The following EFNA5 variants were observed in gnomAD, a reference collection of about 807,000 sequenced individuals.
The protein encoded by EFNA5 is ephrin-A5.
EFNA5 carries 5 observed loss-of-function variants against 22.9 expected under a neutral mutation model. The ratio of observed to expected loss-of-function variants is 0.22; its 90% CI spans 0.11 to 0.46. The LOEUF (loss-of-function observed/expected upper bound fraction) is 0.46. Among genes scored for constraint, EFNA5 ranks in the 20% least tolerant of loss-of-function variants. The pLI is 0.99. For synonymous variants in EFNA5, 113 were observed against 112.2 expected (o/e 1.01, Z -0.04); for missense variants, 237 against 293.3 (o/e 0.81, Z 1.40).
intron 1 of EFNA5, among the ~76,000 whole-genome samples, chr5:107,493,965 A>T (rs573978953): frequency 6.6e-6 from 1 of 152,254 alleles, no homozygotes; most frequent in South Asian, 2.1e-4. Context: ...CTGGCTCCAG[A>T]GTCTGCATCC....
intron 2 of EFNA5, among the ~76,000 whole-genome samples, chr5:107,420,580 A>C (rs1312764123): frequency 3.3e-5 from 5 of 150,784 alleles, no homozygotes; most frequent in East Asian, 3.9e-4. Context: ...AAACAACAAC[A>C]ACCATGTTCC....
In EFNA5 at chr5:107,597,726, A is replaced by T. The variant is rs529859850; in HGVS notation, c.125+72763T>A. Among the ~76,000 whole-genome samples, 6 of 152,268 alleles carry T rather than the reference A, an allele frequency of 3.9e-5. No individual in the cohort carries two copies. The East Asian group carries it at 9.6e-4, about 24-fold the overall frequency. On this transcript the variant is annotated intron_variant, in intron 1 of 4. Transcript: ENST00000333274. ...CTTCCAGGAGATGAATTCTGAATAT[A>T]ACAAGATGAATTTCAACAGACCGTG...
intron 1 of EFNA5, among the ~76,000 whole-genome samples, chr5:107,447,899 G>A (rs1432825457): frequency 6.6e-6 from 1 of 151,898 alleles, no homozygotes; most frequent in African/African-American, 2.4e-5. Context: ...CCAGGCTGGA[G>A]TGCAGTGGCA....
At chr5:107,622,769 C>T (rs1750060325) in intron 1 of EFNA5, among the ~76,000 whole-genome samples, 1 of 152,014 alleles carries the variant, frequency 6.6e-6, no homozygotes, top group Non-Finnish European at 1.5e-5. Context: ...CGCCTGTAAT[C>T]CCAGCACTTT....
chr5:107,653,221 G>A (rs1750767784), intron 1 of EFNA5, among the ~76,000 whole-genome samples: 1 of 151,826 alleles, frequency 6.6e-6, no homozygotes, highest in Non-Finnish European at 1.5e-5. Flanking sequence ...CTCAGAAATG[G>A]GCTGGACCCA....
chr5:107,490,391 C>T (rs560267853), intron 1 of EFNA5, among the ~76,000 whole-genome samples: 1 of 152,310 alleles, frequency 6.6e-6, no homozygotes, highest in South Asian at 2.1e-4. Context: ...TTACCATGCC[C>T]AGCTATTGCT....
At chr5:107,406,771 T>G (rs1748234122) in intron 2 of EFNA5, among the ~76,000 whole-genome samples, 1 of 152,192 alleles carries the variant, frequency 6.6e-6, no homozygotes, top group African/African-American at 2.4e-5. Context: ...ATTGCCTATT[T>G]TTTTCTCTGT....
chr5:107,404,871 A>G (rs1437921534), intron 2 of EFNA5, among the ~76,000 whole-genome samples: 1 of 152,364 alleles, frequency 6.6e-6, no homozygotes, highest in South Asian at 2.1e-4. Flanking sequence ...ACAGATTTCA[A>G]TAAAAAAGCT....
chr5:107,500,652 G>A (rs758714209), intron 1 of EFNA5, among the ~76,000 whole-genome samples: 7 of 152,030 alleles, frequency 4.6e-5, no homozygotes, highest in African/African-American at 9.7e-5. Context: ...ACACTTGTTA[G>A]TCTTATTTAT....
chr5:107,393,657 G>A (rs945256327), intron 2 of EFNA5, among the ~76,000 whole-genome samples: 60 of 152,282 alleles, frequency 3.9e-4, no homozygotes, highest in African/African-American at 1.2e-3. Flanking sequence ...CAAGTCAAAA[G>A]AAAAGATAGG....
rs550991841 is a variant in EFNA5, at chr5:107,516,284, C to T, written c.126-88775G>A. ...AAACCCTGGCCTTAAGCAATCCTCT[C>T]GCCTCGGCCTCCCAAAGTGCTGGGA... On this transcript the variant is annotated intron_variant, in intron 1 of 4. Transcript: ENST00000333274. 3.0e-3 allele frequency among the ~76,000 whole-genome samples: 448 copies of T among 151,314 alleles called. 1 individual carries two copies. The highest frequency in any genetic ancestry group is 0.01 in the African/African-American group (422 of 41,284).
chr5:107,437,240 C>G (rs1476072685), intron 1 of EFNA5, among the ~76,000 whole-genome samples: 1 of 152,112 alleles, frequency 6.6e-6, no homozygotes, highest in Admixed American at 6.5e-5. Context: ...CAAGGGGAAG[C>G]ATATATTTGG....
chr5:107,654,431 A>C (rs1026205623), intron 1 of EFNA5, among the ~76,000 whole-genome samples: 3 of 152,106 alleles, frequency 2.0e-5, no homozygotes, highest in Admixed American at 6.6e-5. Context: ...GGCTATATAA[A>C]ATTACTAAAG....
At chr5:107,661,802 A>G (rs1199111267) in intron 1 of EFNA5, among the ~76,000 whole-genome samples, 1 of 152,204 alleles carries the variant, frequency 6.6e-6, no homozygotes, top group Admixed American at 6.5e-5. Flanking sequence ...CATCTACAAA[A>G]TATAAAACAT....
intron 4 of EFNA5, 129 bp downstream of exon 4, chr5:107,387,106 G>T (rs183218820): frequency 1.7e-6 from 1 of 574,938 alleles, no homozygotes; most frequent in Non-Finnish European, 3.1e-6. Flanking sequence ...TATTAGCATC[G>T]CTAGCAATGA....
At chr5:107,544,165 A>G (rs1171932197) in intron 1 of EFNA5, among the ~76,000 whole-genome samples, 1 of 152,176 alleles carries the variant, frequency 6.6e-6, no homozygotes, top group Non-Finnish European at 1.5e-5. Context: ...AAGCAATTAG[A>G]TCATTTAGGA....
chr5:107,476,046 C>CTATATATATATATATATATATATATGTA, intron 1 of EFNA5, among the ~76,000 whole-genome samples: 6 of 31,258 alleles, frequency 1.9e-4, no homozygotes, highest in African/African-American at 3.4e-4. Flanking sequence ...AGTTTTTAAA[C>CTATATATATATATATATATATATATGTA]TATATATATA....
chr5:107,644,447 G>A (rs758862611), intron 1 of EFNA5, among the ~76,000 whole-genome samples: 1 of 152,072 alleles, frequency 6.6e-6, no homozygotes, highest in African/African-American at 2.4e-5. Context: ...ATGGTCTATC[G>A]GAATAGGCTC....
At position 107,464,992 on chromosome 5, in the gene EFNA5, C is replaced by G. The variant is rs543904884; in HGVS notation, c.126-37483G>C. On this transcript the variant is annotated intron_variant, in intron 1 of 4. Transcript: ENST00000333274. ...CTCTCTTTTTTGTCCTTGAGACCAG[C>G]ACTGAGCTCACCGAGGAAGCACGGC... is the stretch of plus-strand genomic sequence containing the variant. Among the ~76,000 whole-genome samples the G allele has an allele frequency of 3.1e-3, 466 of 152,062 alleles. 2 individuals carry two copies. Among genetic ancestry groups the G allele is most frequent in the African/African-American group, 9.8e-3 (407 of 41,480 alleles).
Sources: allele counts gnomAD v4.1 joint callset (sites outside exome capture counted in the v4.1 genomes callset), GRCh38; gene constraint gnomAD v4.1.1; transcripts MANE v1.5; gene names NCBI Gene and HGNC (gene_info 2026-07-23, HGNC 2026-07-21).